CLIP2: variants seen among roughly 807,000 people sequenced by gnomAD.
CLIP2 encodes CAP-Gly domain-containing linker protein 2.
A neutral mutation model predicts 111.7 loss-of-function variants in CLIP2; 41 were observed. The ratio of observed to expected loss-of-function variants is 0.37; its 90% CI spans 0.29 to 0.48. The LOEUF (loss-of-function observed/expected upper bound fraction) is 0.48, where lower values mean the gene tolerates loss of function less well. CLIP2 is among the 20% of genes least tolerant of loss of function. The pLI, the probability that CLIP2 is intolerant of heterozygous loss-of-function variation, is 0.99. For synonymous variants in CLIP2, 660 were observed against 644.2 expected, an observed-to-expected ratio of 1.02 and a Z score of -0.37; for missense variants, 1,160 against 1,422.1, an observed-to-expected ratio of 0.82 and a Z score of 2.96.
At chr7:74,361,237 T>C (rs1197115668) in intron 7 of CLIP2, among the ~76,000 whole-genome samples, 1 of 106,654 alleles carries the variant, frequency 9.4e-6, no homozygotes, top group African/African-American at 3.2e-5. Context: ...CTTTCTTTTT[T>C]TCAGAGTCTT....
intron 2 of CLIP2, among the ~76,000 whole-genome samples, chr7:74,331,150 G>T (rs1268397284): frequency 2.1e-5 from 3 of 142,514 alleles, no homozygotes. Flanking sequence ...AGGTTGCAGT[G>T]AGCCGAGATC....
At position 74,393,860 on chromosome 7, in the gene CLIP2, G is replaced by C. The variant is rs1554316264; in HGVS notation, c.2721-3214G>C. ...TTCCAGAACAACACTGCCCTCTGCA[G>C]ATGCAGCCTGTGTTTTTCCAGTAGG... is the stretch of plus-strand genomic sequence containing the variant. On this transcript the variant is annotated intron_variant, in intron 13 of 16. Transcript: ENST00000223398. 3.9e-5 allele frequency among the ~76,000 whole-genome samples: 6 copies of C among 152,198 alleles called. No individual in the cohort carries two copies. In the South Asian group the frequency reaches 1.0e-3, roughly 26 times the overall value.
chr7:74,366,649 G>A (rs1219615283), intron 8 of CLIP2, among the ~76,000 whole-genome samples: 4 of 152,138 alleles, frequency 2.6e-5, no homozygotes, highest in Admixed American at 1.3e-4. Flanking sequence ...AGGCCAAAGC[G>A]GCGGATCACT....
At chr7:74,349,466 G>A (rs1789910955) in intron 3 of CLIP2, among the ~76,000 whole-genome samples, 1 of 77,516 alleles carries the variant, frequency 1.3e-5, no homozygotes, top group African/African-American at 4.8e-5. Context: ...GTGTGTGTGT[G>A]TGTGTATATA....
At chr7:74,310,374 T>G (rs1186452134) in intron 1 of CLIP2, among the ~76,000 whole-genome samples, 1 of 151,642 alleles carries the variant, frequency 6.6e-6, no homozygotes, top group Non-Finnish European at 1.5e-5. Flanking sequence ...AATAAAAAGT[T>G]AGCTGGGCAT....
intron 12 of CLIP2, chr7:74,388,818 T>A: frequency 4.0e-6 from 1 of 247,028 alleles, no homozygotes. Context: ...CCGCCAGGTA[T>A]GATGGTGCAC....
intron 7 of CLIP2, among the ~76,000 whole-genome samples, chr7:74,361,996 G>A (rs1790341757): frequency 6.6e-6 from 1 of 151,970 alleles, no homozygotes; most frequent in Non-Finnish European, 1.5e-5. Flanking sequence ...AGCTACTCGG[G>A]AGGCTGAGGC....
chr7:74,347,391 C>G (rs1275547517), intron 3 of CLIP2, among the ~76,000 whole-genome samples: 1 of 152,172 alleles, frequency 6.6e-6, no homozygotes, highest in Admixed American at 6.5e-5. Context: ...GCCTCAGCCT[C>G]CCGGGTAGCT....
At position 74,400,401 on chromosome 7, in the gene CLIP2, G is replaced by A. The variant is rs1388076590; in HGVS notation, c.2912G>A (p.Arg971His). ...DKEKSLSDQR[R>H]YSLIDRSSAP... ...GAGAAATCCCTGTCGGATCAGAGGC[G>A]CTACTCCCTCATCGACCGGTCCTCG... The change falls in exon 15 of 17, where the codon CGC becomes CAC. Residue 971 changes from arginine to histidine, a missense_variant. Arg to His is a conservative substitution (Grantham distance 29, BLOSUM62 0). Transcript: ENST00000223398. 6.8e-6 allele frequency: 11 copies of A among 1,612,968 alleles called. No homozygotes were observed. The highest frequency in any genetic ancestry group is 4.5e-5 in the East Asian group (2 of 44,868).
chr7:74,348,118 C>T (rs998462406), intron 3 of CLIP2, among the ~76,000 whole-genome samples: 7 of 151,484 alleles, frequency 4.6e-5, no homozygotes, highest in Non-Finnish European at 8.8e-5. Context: ...TACAGTGAGC[C>T]GAGATCATGC....
Position 74,381,433 on chromosome 7 carries a change from C to T in CLIP2, c.2479+570C>T, listed in dbSNP as rs140699572. Reference sequence around the variant, plus strand: ...CGATCTCCTGACTGCGTGATCCGCCCGCCTTGGCCTCCCGAAGTGTTGGGA... The same window carrying T: ...CGATCTCCTGACTGCGTGATCCGCCTGCCTTGGCCTCCCGAAGTGTTGGGA... On this transcript the variant is annotated intron_variant, in intron 11 of 16. Coordinates refer to ENST00000223398, the MANE Select transcript of CLIP2 (RefSeq NM_003388.5). 7.9e-3 allele frequency: 2,477 copies of T among 314,208 alleles called. 35 individuals carry two copies. The highest frequency in any genetic ancestry group is 0.028 in the Middle Eastern group (65 of 2,296). 19.5% of individuals were successfully genotyped at this position (314,208 alleles called of 1,614,324 possible).
Position 74,338,746 on chromosome 7 carries a change from GCGGCCCTCCAAGCTGACC to G in CLIP2, c.425_442del (p.Pro142_Arg147del). ...GCCCGGCCCTCCAGGGTATCTTCAC[GCGGCCCTCCAAGCTGACC>G]CGGCAGCCCACGGCCGAGGGCTCGG... On this transcript the variant is annotated inframe_deletion, in exon 3 of 17. Transcript: ENST00000223398. The surrounding 1 kb of genome is among the most constrained non-coding windows in gnomAD (Gnocchi z 4.3). The G allele has an allele frequency of 6.2e-7, 1 of 1,600,818 alleles. No homozygotes were observed. Among genetic ancestry groups the G allele is most frequent in the Non-Finnish European group, 8.5e-7 (1 of 1,175,980 alleles).
intron 9 of CLIP2, among the ~76,000 whole-genome samples, chr7:74,373,754 C>T (rs1790704615): frequency 6.6e-6 from 1 of 152,110 alleles, no homozygotes; most frequent in Admixed American, 6.5e-5. Context: ...GTCTCCCCAG[C>T]TGAGGAGGCT....
chr7:74,359,505 C>G (rs1200255626), intron 6 of CLIP2, among the ~76,000 whole-genome samples: 2 of 151,964 alleles, frequency 1.3e-5, no homozygotes, highest in South Asian at 4.2e-4. Flanking sequence ...AGGAGCCCAC[C>G]ACCACGCCCA....
At chr7:74,361,160 C>T (rs1428949688) in intron 7 of CLIP2, among the ~76,000 whole-genome samples, 13 of 84,794 alleles carry the variant, frequency 1.5e-4, no homozygotes, top group Non-Finnish European at 3.1e-4. Context: ...TCTTCCCTCC[C>T]TCCCTCCCTC....
intron 4 of CLIP2, among the ~76,000 whole-genome samples, chr7:74,354,710 G>T (rs1790100058): frequency 6.6e-6 from 1 of 152,140 alleles, no homozygotes; most frequent in South Asian, 2.1e-4. Flanking sequence ...GGCGAAGGTT[G>T]CAGTGAGCTG....
Position 74,376,631 on chromosome 7 carries a change from G to C in CLIP2, c.2230G>C (p.Gly744Arg), listed in dbSNP as rs376502740. Residue 744 changes from glycine to arginine, a missense_variant, in exon 10 of 17, where the codon GGC becomes CGC. Physicochemically the swap from Gly to Arg is moderately radical, Grantham distance 125. Around this residue, in one of 5 missense-constraint regions of CLIP2, gnomAD observed 676 missense variants for 777.8 expected, o/e 0.87. Coordinates refer to ENST00000223398, the MANE Select transcript of CLIP2 (RefSeq NM_003388.5). The surrounding 1 kb of genome is among the most constrained non-coding windows in gnomAD (Gnocchi z 7.1). ...ELEKLDVEYR[G>R]QAQAIEFLKE... Reference sequence around the variant, plus strand: ...GGAAAAACTGGACGTGGAGTACCGGGGCCAGGCGCAGGCTATCGAGTTCCT... The same window carrying C: ...GGAAAAACTGGACGTGGAGTACCGGCGCCAGGCGCAGGCTATCGAGTTCCT... The C allele has an allele frequency of 6.2e-7, 1 of 1,613,420 alleles. No individual in the cohort carries two copies. The highest frequency in any genetic ancestry group is 8.5e-7 in the Non-Finnish European group (1 of 1,179,874).
chr7:74,400,914 G>A (rs1034971474), intron 15 of CLIP2, among the ~76,000 whole-genome samples: 2 of 149,068 alleles, frequency 1.3e-5, no homozygotes. Flanking sequence ...AGAAGCCCCC[G>A]GTCTGAAGGG....
chr7:74,346,270 C>G (rs530045158), intron 3 of CLIP2, among the ~76,000 whole-genome samples: 99 of 152,186 alleles, frequency 6.5e-4, no homozygotes, highest in Non-Finnish European at 1.2e-3. Context: ...TGTGAGCCAC[C>G]ACATGCAGCT....
Sources: allele counts gnomAD v4.1 joint callset (sites outside exome capture counted in the v4.1 genomes callset), GRCh38; gene constraint gnomAD v4.1.1; regional missense constraint gnomAD v4.1.1; non-coding constraint Gnocchi (gnomAD v3.1); transcripts MANE v1.5; gene names NCBI Gene and HGNC (gene_info 2026-07-23, HGNC 2026-07-21).